RHOT1: variants seen among roughly 807,000 people sequenced by gnomAD.
RHOT1 encodes the protein mitochondrial Rho GTPase 1.
In RHOT1, 27 loss-of-function variants were observed where a neutral mutation model predicts 95.3. The observed-to-expected ratio is 0.28, with a 90% CI of 0.21 to 0.39. The LOEUF is 0.39. RHOT1 is among the 10% of genes least tolerant of loss of function. The pLI is 1.00. For missense variants in RHOT1, 578 were observed against 786.7 expected (o/e 0.73, Z 3.17); for synonymous variants, 227 against 263.5 (o/e 0.86, Z 1.34).
At chr17:32,165,452 G>A (rs529918659) in intron 1 of RHOT1, among the ~76,000 whole-genome samples, 1 of 151,702 alleles carries the variant, frequency 6.6e-6, no homozygotes, top group Admixed American at 6.6e-5. Context: ...GAACCTGGGA[G>A]GTGGAAGTTG....
Position 32,220,729 on chromosome 17 carries a change from G to A in RHOT1, c.1863-3887G>A, listed in dbSNP as rs189997573. Among the ~76,000 whole-genome samples the A allele has an allele frequency of 7.8e-3, 1,187 of 151,346 alleles. 13 individuals are homozygous for A. The highest frequency in any genetic ancestry group is 0.026 in the African/African-American group (1,050 of 41,176). On this transcript the variant is annotated intron_variant, in intron 19 of 19. Coordinates refer to ENST00000545287, the MANE Select transcript of RHOT1 (RefSeq NM_001033566.3). ...TGCACGCCTGTAATCCCAGCTACTC[G>A]GGAGACTGAGGCACAAGAGTGACTG...
At chr17:32,173,783 T>C in intron 2 of RHOT1, 48 bp from the exon 3 acceptor site, 1 of 1,230,856 alleles carries the variant, frequency 8.1e-7, no homozygotes. Context: ...GTTTGAGTGA[T>C]AATATTCAAA....
At chr17:32,150,924 G>C in intron 1 of RHOT1, 5 of 1,542,728 alleles carry the variant, frequency 3.2e-6, no homozygotes, top group Non-Finnish European at 4.4e-6. Flanking sequence ...CATTCTTCTT[G>C]GATGGAAGGT....
At chr17:32,167,722 ATCT>A (rs1187682574) in intron 1 of RHOT1, among the ~76,000 whole-genome samples, 8 of 152,322 alleles carry the variant, frequency 5.3e-5, no homozygotes, top group African/African-American at 1.4e-4. Context: ...TATCGATGGC[ATCT>A]TCTTCTGATA....
intron 15 of RHOT1, among the ~76,000 whole-genome samples, chr17:32,203,335 A>G (rs891139157): frequency 7.7e-5 from 10 of 130,446 alleles, no homozygotes; most frequent in African/African-American, 3.0e-4. Flanking sequence ...GAGTTCAGTG[A>G]CATGATCATG....
rs756143485 is a variant in RHOT1 at position 32,199,505 on chromosome 17, A to G, written c.1055A>G (p.Asn352Ser). The stretch of plus-strand genomic sequence containing the variant: ...GATGTGAATAACACAGTTTGTACCA[A>G]TGAAAGAGGCTGGATAACCTACCAG... ...GPDVNNTVCT[N>S]ERGWITYQGF... The change falls in exon 13 of 20, where the codon AAT becomes AGT. Residue 352 changes from asparagine to serine, a missense_variant. Coordinates refer to ENST00000545287, the MANE Select transcript of RHOT1 (RefSeq NM_001033566.3). 14 of 1,612,698 alleles carry G rather than the reference A, an allele frequency of 8.7e-6. No individual in the cohort carries two copies. The African/African-American group carries it at 9.3e-5, about 11-fold the overall frequency.
intron 1 of RHOT1, among the ~76,000 whole-genome samples, chr17:32,143,411 A>T (rs1233727044): frequency 6.6e-6 from 1 of 152,168 alleles, no homozygotes; most frequent in African/African-American, 2.4e-5. Flanking sequence ...ATTTTTACTC[A>T]ACTTCGAGTT....
chr17:32,143,751 T>C (rs375993148), intron 1 of RHOT1, among the ~76,000 whole-genome samples: 1 of 152,270 alleles, frequency 6.6e-6, no homozygotes, highest in African/African-American at 2.4e-5. Flanking sequence ...ACTGGATTGT[T>C]TGTTTTAAAG....
At chr17:32,153,766 C>A (rs1160658808) in intron 1 of RHOT1, among the ~76,000 whole-genome samples, 2 of 152,222 alleles carry the variant, frequency 1.3e-5, no homozygotes, top group Admixed American at 6.5e-5. Context: ...CCAGGAAAAG[C>A]AGACATCTCT....
intron 19 of RHOT1, among the ~76,000 whole-genome samples, chr17:32,215,857 T>C (rs1383757442): frequency 6.6e-6 from 1 of 152,168 alleles, no homozygotes; most frequent in African/African-American, 2.4e-5. Context: ...CACTCAGATC[T>C]GGATAGGTTT....
chr17:32,142,957 G>A, intron 1 of RHOT1: 1 of 715,368 alleles, frequency 1.4e-6, no homozygotes, highest in Non-Finnish European at 2.6e-6. Flanking sequence ...GGGCCCTCCA[G>A]AGATCTCCTT....
chr17:32,181,321 C>T (rs1214707051), intron 6 of RHOT1, among the ~76,000 whole-genome samples: 1 of 150,890 alleles, frequency 6.6e-6, no homozygotes, highest in Non-Finnish European at 1.5e-5. Flanking sequence ...AACAAAAAAT[C>T]ATTCTTAATC....
intron 10 of RHOT1, among the ~76,000 whole-genome samples, chr17:32,193,725 C>A (rs756751233): frequency 3.9e-5 from 6 of 152,138 alleles, no homozygotes; most frequent in Non-Finnish European, 7.4e-5. Context: ...TCTCATATAA[C>A]TTTGTGCATG....
chr17:32,150,927 T>A, intron 1 of RHOT1: 1 of 1,542,166 alleles, frequency 6.5e-7, no homozygotes, highest in East Asian at 2.3e-5. Flanking sequence ...TCTTCTTGGA[T>A]GGAAGGTATC....
chr17:32,149,248 TTGTTA>T (rs1308404243), intron 1 of RHOT1, among the ~76,000 whole-genome samples: 3 of 151,748 alleles, frequency 2.0e-5, no homozygotes, highest in Non-Finnish European at 2.9e-5. Context: ...TTGTAATTAT[TTGTTA>T]TAAGTTTTAT....
intron 1 of RHOT1, chr17:32,151,547 A>G (rs2032291539): frequency 2.1e-6 from 1 of 467,894 alleles, no homozygotes; most frequent in Non-Finnish European, 4.0e-6. Context: ...GACCATTTTC[A>G]GTCCTGCGCG....
chr17:32,178,479 CGCTCACTCAAT>C (rs1259229722), intron 6 of RHOT1, among the ~76,000 whole-genome samples: 6 of 152,050 alleles, frequency 3.9e-5, no homozygotes, highest in African/African-American at 1.4e-4. Context: ...GACGGAGTCT[CGCTCACTCAAT>C]GCTCAGTGTT....
At position 32,142,627 on chromosome 17, in the gene RHOT1, G is replaced by GTGC. The variant is rs1350290242; in HGVS notation, c.-64_-62dup. 2 of 1,374,044 alleles carry GTGC rather than the reference G, an allele frequency of 1.5e-6. No individual in the cohort carries two copies. The highest frequency in any genetic ancestry group is 9.5e-7 in the Non-Finnish European group (1 of 1,052,798). The allele number at this position is 1,374,044 out of a possible 1,614,324, so 85.1% of individuals were successfully genotyped here. A position where few individuals can be genotyped will look rare whatever the true frequency, so the allele number is the denominator to read the frequency against. ...GCTGGCAGGTGGCGCCGTGGGGTGG[G>GTGC]TGCTCCTGGTGAGAGGAGTCCACTC... On this transcript the variant is annotated 5_prime_UTR_variant, in exon 1 of 20. Transcript: ENST00000545287.
intron 16 of RHOT1, among the ~76,000 whole-genome samples, chr17:32,205,106 C>T (rs1318922149): frequency 6.6e-6 from 1 of 151,054 alleles, no homozygotes; most frequent in East Asian, 1.9e-4. Flanking sequence ...TAGGTCAACC[C>T]ATCATCTAGG....
Sources: gnomAD v4.1 joint callset for allele counts (sites outside exome capture counted in the v4.1 genomes callset) on GRCh38, gnomAD v4.1.1 for gene constraint, MANE v1.5 for transcripts, NCBI Gene and HGNC (gene_info 2026-07-23, HGNC 2026-07-21) for gene names.